Variants in INTS6 observed in about 807,000 individuals in gnomAD.
INTS6 encodes the protein integrator complex subunit 6.
A neutral mutation model predicts 104.9 loss-of-function variants in INTS6; 16 were observed. The ratio of observed to expected loss-of-function variants is 0.15; its 90% CI spans 0.10 to 0.23. INTS6 has a LOEUF of 0.23. INTS6 is among the 10% of genes least tolerant of loss of function. The pLI, the probability that INTS6 is intolerant of heterozygous loss-of-function variation, is 1.00. For synonymous variants in INTS6, 324 were observed against 358.7 expected (o/e 0.90, Z 1.09); for missense variants, 584 against 1,062.8 (o/e 0.55, Z 6.26).
rs1020024732 is a variant in INTS6, at chr13:51,376,296, T to A, written c.1603-122A>T. 7.0e-6 allele frequency: 5 copies of A among 715,124 alleles called. No individual in the cohort carries two copies. In the African/African-American group the frequency reaches 7.3e-5, roughly 10 times the overall value. The allele number at this position is 715,124 out of a possible 1,614,324, so 44.3% of individuals were successfully genotyped here. A position where few individuals can be genotyped will look rare whatever the true frequency, so the allele number is the denominator to read the frequency against. On this transcript the variant is annotated intron_variant, in intron 12 of 17. Coordinates refer to ENST00000311234, the MANE Select transcript of INTS6 (RefSeq NM_012141.3). ...TATAAACTGGTTAGCTTAAAAAAAA[T>A]AAAATAAAGACATATGATATAATCT...
intron 16 of INTS6, 96 bp downstream of exon 16, chr13:51,368,843 T>C: frequency 4.1e-6 from 5 of 1,231,810 alleles, no homozygotes; most frequent in Non-Finnish European, 5.6e-6. Flanking sequence ...GAATCATATG[T>C]ATTCTTTTAC....
chr13:51,451,695 G>A (rs1052794377), intron 2 of INTS6: 10 of 182,808 alleles, frequency 5.5e-5, no homozygotes, highest in African/African-American at 1.4e-4. Flanking sequence ...GCCGCGGAGG[G>A]GAAATGTCGG....
At chr13:51,435,620 T>C (rs1957173267) in intron 3 of INTS6, among the ~76,000 whole-genome samples, 1 of 152,068 alleles carries the variant, frequency 6.6e-6, no homozygotes, top group Non-Finnish European at 1.5e-5. Context: ...AAAAAAAATT[T>C]TGAAAATACT....
At chr13:51,378,829 T>C (rs1182808507) in intron 11 of INTS6, among the ~76,000 whole-genome samples, 1 of 152,110 alleles carries the variant, frequency 6.6e-6, no homozygotes, top group Admixed American at 6.5e-5. Flanking sequence ...AAGACATTTT[T>C]ACTAGCACAT....
At chr13:51,431,204 GGACT>G (rs1207866814) in intron 3 of INTS6, among the ~76,000 whole-genome samples, 3 of 152,104 alleles carry the variant, frequency 2.0e-5, no homozygotes, top group African/African-American at 2.4e-5. Flanking sequence ...CCCATTTGAA[GGACT>G]GACAGAACTA....
chr13:51,368,333 T>C (rs180693883), intron 16 of INTS6, among the ~76,000 whole-genome samples: 2 of 152,240 alleles, frequency 1.3e-5, no homozygotes, highest in African/African-American at 4.8e-5. Context: ...TATGAAACTC[T>C]GCAAGGGCTA....
chr13:51,388,682 C>T (rs963549180), intron 6 of INTS6, among the ~76,000 whole-genome samples: 4 of 152,150 alleles, frequency 2.6e-5, no homozygotes, highest in Non-Finnish European at 4.4e-5. Context: ...TGTGAGCCAC[C>T]GTGCCCAGCA....
chr13:51,360,139 T>C (rs552778862), downstream of INTS6, among the ~76,000 whole-genome samples: 2 of 152,118 alleles, frequency 1.3e-5, no homozygotes, highest in Non-Finnish European at 2.9e-5. Flanking sequence ...TCATGGGCTA[T>C]CTCCTGTGTG....
At position 51,452,213 on chromosome 13, in the gene INTS6, C is replaced by T. The variant is rs1953074666; in HGVS notation, c.112-158G>A. ...TCCCCCACACACAGATCGCTCCCCACACACCGCCCGGGGCCGGAGCCCGGG... is the reference window on the plus strand; with the variant it reads ...TCCCCCACACACAGATCGCTCCCCATACACCGCCCGGGGCCGGAGCCCGGG... On this transcript the variant is annotated intron_variant, in intron 1 of 17. Transcript: ENST00000311234. This position sits in a 1 kb window ranked among gnomAD's most constrained non-coding sequence, Gnocchi z 4.2. The T allele has an allele frequency of 1.5e-6, 1 of 679,588 alleles. No homozygotes were observed. The highest frequency in any genetic ancestry group is 3.6e-5 in the East Asian group (1 of 27,488). The allele number at this position is 679,588 out of a possible 1,614,324, so 42.1% of individuals were successfully genotyped here. A position where few individuals can be genotyped will look rare whatever the true frequency, so the allele number is the denominator to read the frequency against.
At chr13:51,344,153 G>T in the INTS6 span, 1 of 816,078 alleles carries the variant, frequency 1.2e-6, no homozygotes, top group South Asian at 1.6e-5. Flanking sequence ...CAAGAGTGGA[G>T]TTGCTGGCGT....
intron 4 of INTS6, among the ~76,000 whole-genome samples, chr13:51,417,400 C>A (rs1044294916): frequency 6.6e-6 from 1 of 150,680 alleles, no homozygotes; most frequent in Non-Finnish European, 1.5e-5. Context: ...ATTTCATTCT[C>A]TTGCATGTGC....
intron 3 of INTS6, among the ~76,000 whole-genome samples, chr13:51,355,908 G>A (rs1955474316): frequency 6.6e-6 from 1 of 152,070 alleles, no homozygotes; most frequent in Non-Finnish European, 1.5e-5. Flanking sequence ...TATTTCCATT[G>A]GCCTTGACAT....
chr13:51,356,302 C>G (rs1955480724), intron 3 of INTS6, among the ~76,000 whole-genome samples: 2 of 151,942 alleles, frequency 1.3e-5, no homozygotes, highest in African/African-American at 4.8e-5. Context: ...TCCTTACTGA[C>G]ACAGGCATAA....
At chr13:51,414,368 C>A (rs1593731537) in intron 4 of INTS6, among the ~76,000 whole-genome samples, 1 of 152,254 alleles carries the variant, frequency 6.6e-6, no homozygotes, top group East Asian at 1.9e-4. Flanking sequence ...AAAAAATATA[C>A]CTTGCCAGAA....
intron 4 of INTS6, among the ~76,000 whole-genome samples, chr13:51,427,506 C>T (rs1474772627): frequency 6.6e-6 from 1 of 152,078 alleles, no homozygotes. Context: ...TAGAATATTT[C>T]ACAATATCTC....
Position 51,361,973 on chromosome 13 carries a change from C to T in INTS6, c.*3779G>A, listed in dbSNP as rs1955586799. ...ACAAGGGCTCATTTGTCCACTATCC[C>T]CTCAAAAATAAGCATTCTTTCTAGC... is the stretch of plus-strand genomic sequence containing the variant. On this transcript the variant is annotated 3_prime_UTR_variant, in exon 18 of 18. Coordinates refer to ENST00000311234, the MANE Select transcript of INTS6 (RefSeq NM_012141.3). 1 of 1,610,514 alleles carries T rather than the reference C, an allele frequency of 6.2e-7. No individual in the cohort carries two copies. The highest frequency in any genetic ancestry group is 8.5e-7 in the Non-Finnish European group (1 of 1,178,178).
chr13:51,376,560 G>A (rs530198886), intron 12 of INTS6, among the ~76,000 whole-genome samples: 1 of 152,200 alleles, frequency 6.6e-6, no homozygotes, highest in East Asian at 1.9e-4. Flanking sequence ...ATGAATGTTA[G>A]TAAATTTATA....
chr13:51,345,899 A>G, the INTS6 span, among the ~76,000 whole-genome samples: 1 of 152,242 alleles, frequency 6.6e-6, no homozygotes, highest in South Asian at 2.1e-4. Context: ...CACAGAGTCC[A>G]GAGCCAGGCT....
intron 4 of INTS6, among the ~76,000 whole-genome samples, chr13:51,398,251 T>C (rs1022153285): frequency 6.6e-6 from 1 of 152,098 alleles, no homozygotes. Context: ...ATTCCAGTAA[T>C]GTCTTAAAAA....
Sources: allele counts gnomAD v4.1 joint callset (sites outside exome capture counted in the v4.1 genomes callset), GRCh38; gene constraint gnomAD v4.1.1; non-coding constraint Gnocchi (gnomAD v3.1); transcripts MANE v1.5; gene names NCBI Gene and HGNC (gene_info 2026-07-23, HGNC 2026-07-21).